The following THADA variants were observed in gnomAD, a reference collection of about 807,000 sequenced individuals.
THADA encodes the protein tRNA (32-2'-O)-methyltransferase regulator THADA.
In THADA, 213 loss-of-function variants were observed where a neutral mutation model predicts 219.8. The ratio of observed to expected loss-of-function variants is 0.97; its 90% confidence interval spans 0.87 to 1.09. The LOEUF (loss-of-function observed/expected upper bound fraction) is 1.09. THADA is among the 50% of genes least tolerant of loss of function. The pLI, the probability that THADA is intolerant of heterozygous loss-of-function variation, is 0.00. For missense variants in THADA, 2,956 were observed against 2,311.3 expected (o/e 1.28, Z -5.72); for synonymous variants, 1,018 against 828.9 (o/e 1.23, Z -3.92).
chr2:43,398,178 T>C (rs1282204868), intron 28 of THADA, 39 bp from the exon 29 acceptor site: 3 of 1,595,274 alleles, frequency 1.9e-6, no homozygotes, highest in African/African-American at 2.7e-5. Context: ...TCAATAGTCA[T>C]CTCCACATCT....
chr2:43,592,747 T>G (rs758125667), intron 1 of THADA: 1 of 170,424 alleles, frequency 5.9e-6, no homozygotes, highest in Non-Finnish European at 1.2e-5. Flanking sequence ...TATGACTCAG[T>G]CTTTGTATTT....
intron 4 of THADA, among the ~76,000 whole-genome samples, chr2:43,589,182 T>C (rs555436929): frequency 4.6e-5 from 7 of 152,238 alleles, no homozygotes; most frequent in African/African-American, 1.4e-4. Flanking sequence ...CCCATGTTCA[T>C]AGCAGCATTA....
At chr2:43,512,227 A>C (rs906476363) in intron 22 of THADA, among the ~76,000 whole-genome samples, 1 of 152,116 alleles carries the variant, frequency 6.6e-6, no homozygotes, top group African/African-American at 2.4e-5. Flanking sequence ...ATCTAGTCCA[A>C]ACCTTCTTAT....
intron 36 of THADA, among the ~76,000 whole-genome samples, chr2:43,237,361 C>T (rs1017419754): frequency 3.3e-5 from 5 of 151,578 alleles, no homozygotes; most frequent in Non-Finnish European, 5.9e-5. Flanking sequence ...GTACCGAACA[C>T]CTAAATGTAA....
chr2:43,517,903 C>A (rs1242517040), intron 22 of THADA, among the ~76,000 whole-genome samples: 1 of 152,190 alleles, frequency 6.6e-6, no homozygotes, highest in Non-Finnish European at 1.5e-5. Flanking sequence ...TTACACCATT[C>A]TGTTCTTTAA....
intron 26 of THADA, among the ~76,000 whole-genome samples, chr2:43,468,130 GT>G (rs1447966832): frequency 6.6e-6 from 1 of 151,892 alleles, no homozygotes; most frequent in East Asian, 1.9e-4. Context: ...GATATTTTTT[GT>G]TGTTTATATT....
chr2:43,528,472 C>G (rs1262199419), intron 21 of THADA, among the ~76,000 whole-genome samples: 3 of 152,100 alleles, frequency 2.0e-5, no homozygotes, highest in Non-Finnish European at 2.9e-5. Flanking sequence ...CTAATCCTCA[C>G]AGTAATTCCA....
chr2:43,292,342 ACTT>A (rs1350908346), intron 32 of THADA, 120 bp from the exon 33 acceptor site: 3 of 626,384 alleles, frequency 4.8e-6, no homozygotes, highest in South Asian at 2.4e-5. Flanking sequence ...GCTCCCACTG[ACTT>A]CTTATTTCCC....
chr2:43,317,686 A>G (rs1167433920), intron 31 of THADA, among the ~76,000 whole-genome samples: 1 of 152,240 alleles, frequency 6.6e-6, no homozygotes, highest in Non-Finnish European at 1.5e-5. Context: ...CTAAAAATCT[A>G]TTCCATCCTC....
chr2:43,446,569 C>T (rs192618922), intron 26 of THADA, among the ~76,000 whole-genome samples: 4 of 152,320 alleles, frequency 2.6e-5, no homozygotes, highest in Admixed American at 2.6e-4. Flanking sequence ...ATGAAAGCAG[C>T]CACCTGAGTG....
chr2:43,403,961 C>T (rs1675198315), intron 28 of THADA, among the ~76,000 whole-genome samples: 1 of 152,172 alleles, frequency 6.6e-6, no homozygotes, highest in Non-Finnish European at 1.5e-5. Flanking sequence ...GTTGAGACAA[C>T]CCTATTTAAT....
At chr2:43,592,481 G>T in intron 1 of THADA, 65 bp from the exon 2 acceptor site, 2 of 974,906 alleles carry the variant, frequency 2.1e-6, no homozygotes, top group South Asian at 1.5e-5. Context: ...ATGATTTTTG[G>T]CTGGGTTCAT....
At chr2:43,532,637 C>T (rs1204875644) in intron 21 of THADA, among the ~76,000 whole-genome samples, 1 of 152,094 alleles carries the variant, frequency 6.6e-6, no homozygotes, top group Non-Finnish European at 1.5e-5. Context: ...AAACCCATAG[C>T]CAATATCACA....
intron 20 of THADA, among the ~76,000 whole-genome samples, chr2:43,548,655 C>T (rs1288490861): frequency 3.9e-5 from 6 of 152,198 alleles, no homozygotes; most frequent in African/African-American, 9.7e-5. Flanking sequence ...ACTCCGTGGG[C>T]GTAGGACCCT....
intron 34 of THADA, among the ~76,000 whole-genome samples, chr2:43,287,581 G>A (rs1001256557): frequency 4.6e-5 from 7 of 152,176 alleles, no homozygotes; most frequent in African/African-American, 1.7e-4. Context: ...ACAGACATGA[G>A]CCACTGCTCC....
At chr2:43,592,114 A>G in intron 2 of THADA, 68 bp from the exon 3 acceptor site, 1 of 1,295,692 alleles carries the variant, frequency 7.7e-7, no homozygotes, top group Non-Finnish European at 1.1e-6. Flanking sequence ...TTTGTTGTGC[A>G]TTCTACAAAA....
intron 26 of THADA, among the ~76,000 whole-genome samples, chr2:43,469,512 T>C (rs1192778436): frequency 6.6e-6 from 1 of 152,120 alleles, no homozygotes; most frequent in Non-Finnish European, 1.5e-5. Context: ...TAAATGAACA[T>C]TAAAAAAAAT....
intron 26 of THADA, among the ~76,000 whole-genome samples, chr2:43,469,817 C>T (rs1418150058): frequency 6.6e-5 from 10 of 152,096 alleles, no homozygotes; most frequent in East Asian, 1.9e-4. Flanking sequence ...GTTTTAAAAA[C>T]GAAAAGGACC....
intron 24 of THADA, among the ~76,000 whole-genome samples, chr2:43,499,677 T>TA (rs1239975194): frequency 1.3e-5 from 2 of 151,942 alleles, no homozygotes; most frequent in African/African-American, 4.8e-5. Context: ...GCACCCGGCC[T>TA]AAAAAAATGC....
Sources: gnomAD v4.1 joint callset for allele counts (sites outside exome capture counted in the v4.1 genomes callset) on GRCh38, gnomAD v4.1.1 for gene constraint, MANE v1.5 for transcripts, NCBI Gene and HGNC (gene_info 2026-07-23, HGNC 2026-07-21) for gene names.